The following CNGB3 variants were observed in gnomAD, a reference collection of about 807,000 sequenced individuals.
CNGB3 encodes cyclic nucleotide-gated channel beta-3.
Under a neutral mutation model 92.8 loss-of-function variants are expected in CNGB3, and 86 were observed. That is an observed-to-expected ratio of 0.93 (90% CI 0.78 to 1.11). The LOEUF (loss-of-function observed/expected upper bound fraction) is 1.11. Among genes scored for constraint, CNGB3 ranks in the 50% least tolerant of loss-of-function variants. CNGB3 has a pLI of 0.00. For missense variants in CNGB3, 1,026 were observed against 956.8 expected, an observed-to-expected ratio of 1.07 and a Z score of -0.95; for synonymous variants, 333 against 332.7, an observed-to-expected ratio of 1.00 and a Z score of -0.01.
intron 15 of CNGB3, among the ~76,000 whole-genome samples, chr8:86,589,704 T>G (rs1821983677): frequency 6.6e-6 from 1 of 152,138 alleles, no homozygotes; most frequent in South Asian, 2.1e-4. Flanking sequence ...GTCTGAGAGA[T>G]AGTTTGTTAT....
intron 3 of CNGB3, among the ~76,000 whole-genome samples, chr8:86,686,273 C>G (rs1273876172): frequency 2.0e-5 from 3 of 152,078 alleles, no homozygotes; most frequent in Admixed American, 6.6e-5. Flanking sequence ...CAGCACATAG[C>G]TGTAAAACTT....
chr8:86,635,869 T>C (rs868722119), intron 10 of CNGB3, among the ~76,000 whole-genome samples: 2,072 of 70,328 alleles, frequency 0.029, 13 homozygotes, highest in African/African-American at 0.043. Flanking sequence ...TATATACACA[T>C]ACACATATAC....
intron 15 of CNGB3, among the ~76,000 whole-genome samples, chr8:86,592,327 G>T (rs1234491271): frequency 6.6e-6 from 1 of 152,230 alleles, no homozygotes; most frequent in Non-Finnish European, 1.5e-5. Context: ...GGGAGCTGTA[G>T]ACTGGAACTG....
intron 2 of CNGB3, among the ~76,000 whole-genome samples, chr8:86,733,278 C>CT (rs879517311): frequency 2.0e-5 from 3 of 152,136 alleles, no homozygotes; most frequent in Admixed American, 6.5e-5. Flanking sequence ...TGATTTCATT[C>CT]TTTTTTATGG....
In CNGB3 at chr8:86,667,114, C is replaced by G. The variant is rs771518546; in HGVS notation, c.663G>C (p.Trp221Cys). The G allele has an allele frequency of 1.2e-6, 2 of 1,613,942 alleles. No individual in the cohort carries two copies. The highest frequency in any genetic ancestry group is 4.5e-5 in the East Asian group (2 of 44,884). The part of the protein sequence containing the change: ...DSYTDRLYLL[W>C]LLLVTLAYNW... Reference sequence around the variant, plus strand: ...TATAGGCAAGAGTGACAAGCAAGAGCCACAGGAGATAGAGTCGATCTGGAA... The same window carrying G: ...TATAGGCAAGAGTGACAAGCAAGAGGCACAGGAGATAGAGTCGATCTGGAA... Residue 221 changes from tryptophan (W) to cysteine (C), a missense_variant, in exon 6 of 18, where the codon TGG (tryptophan) becomes TGC (cysteine). Transcript: ENST00000320005.
intron 6 of CNGB3, 77 bp from the exon 7 acceptor site, chr8:86,654,139 G>A: frequency 1.1e-6 from 1 of 944,458 alleles, no homozygotes; most frequent in Non-Finnish European, 1.7e-6. Context: ...ATTTATAACT[G>A]TTTCTCTTGG....
Position 86,693,697 on chromosome 8 carries a change from G to A in CNGB3, c.339-22599C>T, listed in dbSNP as rs567825322. ...ATCTGTTTAACAAAGCACATCTTGC[G>A]CCGCCCTTAATCCATTTAACCCTGA... is the stretch of plus-strand genomic sequence containing the variant. On this transcript the variant is annotated intron_variant, in intron 3 of 17. Transcript: ENST00000320005. 5.5e-3 allele frequency among the ~76,000 whole-genome samples: 825 copies of A among 151,322 alleles called. 4 individuals are homozygous for A. Among genetic ancestry groups the A allele is most frequent in the African/African-American group, 0.018 (760 of 41,206 alleles).
intron 14 of CNGB3, among the ~76,000 whole-genome samples, chr8:86,605,432 G>A (rs1822394740): frequency 6.6e-6 from 1 of 152,050 alleles, no homozygotes; most frequent in Admixed American, 6.6e-5. Context: ...GTCTGAATGA[G>A]CAGTGCCTTG....
In CNGB3 at chr8:86,668,091, T is replaced by C. The variant is rs1018247769; in HGVS notation, c.571A>G (p.Lys191Glu). Residue 191 changes from lysine to glutamate, a missense_variant, in exon 5 of 18, where the codon AAA (lysine) becomes GAA (glutamate). Lys to Glu is a moderately conservative substitution (Grantham distance 56). Transcript: ENST00000320005. ...TCTGTTAAAGGCATCTTTTTGACTT[T>C]GAACCACAACAGCCTGTAGTAATGT... ...TEHYYRLLWF[K>E]VKKMPLTEYL... 2.5e-6 allele frequency: 4 copies of C among 1,613,968 alleles called. No homozygotes were observed. The African/African-American group carries it at 4.0e-5, about 16-fold the overall frequency.
intron 2 of CNGB3, among the ~76,000 whole-genome samples, chr8:86,738,883 A>G: frequency 6.6e-6 from 1 of 150,888 alleles, no homozygotes; most frequent in South Asian, 2.1e-4. Flanking sequence ...GGTCCTTATG[A>G]AAGGAGATTT....
intron 3 of CNGB3, among the ~76,000 whole-genome samples, chr8:86,693,041 G>A (rs762105655): frequency 1.3e-5 from 2 of 152,104 alleles, no homozygotes; most frequent in Non-Finnish European, 2.9e-5. Context: ...TGTTTAAGGA[G>A]GTTAAAGACA....
intron 6 of CNGB3, among the ~76,000 whole-genome samples, chr8:86,654,704 CTT>C: frequency 6.6e-6 from 1 of 152,004 alleles, no homozygotes; most frequent in Middle Eastern, 3.2e-3. Flanking sequence ...TTCCATGAAA[CTT>C]TTTCTTTTCA....
At chr8:86,620,897 C>CA (rs912289204) in intron 13 of CNGB3, among the ~76,000 whole-genome samples, 233 of 126,124 alleles carry the variant, frequency 1.8e-3, no homozygotes, top group Non-Finnish European at 2.1e-3. Flanking sequence ...CTTGGCTTTA[C>CA]AAAAAAAAAA....
intron 6 of CNGB3, chr8:86,661,287 T>C: frequency 2.9e-6 from 1 of 347,716 alleles, no homozygotes; most frequent in East Asian, 7.1e-5. Context: ...CAGTTTAACA[T>C]GCCAGTCATG....
chr8:86,614,501 T>C (rs1215538482), intron 13 of CNGB3, among the ~76,000 whole-genome samples: 2 of 152,182 alleles, frequency 1.3e-5, no homozygotes, highest in Non-Finnish European at 2.9e-5. Flanking sequence ...ATTGGCCCTG[T>C]GAGGCGTGCT....
At chr8:86,736,761 G>C (rs1586044338) in intron 2 of CNGB3, among the ~76,000 whole-genome samples, 1 of 151,552 alleles carries the variant, frequency 6.6e-6, no homozygotes, top group African/African-American at 2.4e-5. Flanking sequence ...AAAAAAAAAA[G>C]GCAAGACCAC....
At chr8:86,591,924 C>T (rs12544810) in intron 15 of CNGB3, among the ~76,000 whole-genome samples, 3 of 151,818 alleles carry the variant, frequency 2.0e-5, no homozygotes, top group African/African-American at 7.3e-5. Context: ...CAATGGCGGG[C>T]GCCCCTCCCC....
intron 4 of CNGB3, among the ~76,000 whole-genome samples, chr8:86,668,600 C>T (rs577923579): frequency 6.6e-6 from 1 of 150,808 alleles, no homozygotes; most frequent in East Asian, 1.9e-4. Flanking sequence ...ATTTATTTCA[C>T]TGTGTGTGTG....
At chr8:86,683,825 T>C (rs1824129960) in intron 3 of CNGB3, among the ~76,000 whole-genome samples, 1 of 152,110 alleles carries the variant, frequency 6.6e-6, no homozygotes, top group African/African-American at 2.4e-5. Flanking sequence ...CTACACCTTA[T>C]ACAAAAAATT....
Sources: gnomAD v4.1 joint callset for allele counts (sites outside exome capture counted in the v4.1 genomes callset) on GRCh38, gnomAD v4.1.1 for gene constraint, MANE v1.5 for transcripts, NCBI Gene and HGNC (gene_info 2026-07-23, HGNC 2026-07-21) for gene names.